The following CDH4 variants were observed in gnomAD, a reference collection of about 807,000 sequenced individuals.
The protein encoded by CDH4 is cadherin 4, also known as cadherin-4.
A neutral mutation model predicts 86.0 loss-of-function variants in CDH4; 33 were observed. The observed-to-expected ratio is 0.38, with a 90% CI of 0.29 to 0.51. The LOEUF is 0.51. Among genes scored for constraint, CDH4 ranks in the 20% least tolerant of loss-of-function variants. CDH4 has a pLI of 0.86. For missense variants in CDH4, 1,114 were observed against 1,307.4 expected, an observed-to-expected ratio of 0.85 and a Z score of 2.28; for synonymous variants, 555 against 549.4, an observed-to-expected ratio of 1.01 and a Z score of -0.14.
chr20:61,571,437 A>G lies in CDH4; in HGVS notation c.170-172126A>G, dbSNP rs546962863. Reference sequence around the variant, plus strand: ...CCTGGGCTGTAGGTTTCCAGGCGCCATGGCAGGGAGTGACTGCAGGACCCA... The same window carrying G: ...CCTGGGCTGTAGGTTTCCAGGCGCCGTGGCAGGGAGTGACTGCAGGACCCA... On this transcript the variant is annotated intron_variant, in intron 2 of 15. Transcript: ENST00000614565. Among the ~76,000 whole-genome samples, 5 of 152,246 alleles carry G rather than the reference A, an allele frequency of 3.3e-5. No individual in the cohort carries two copies. The East Asian group carries it at 5.8e-4, about 18-fold the overall frequency.
At chr20:61,839,145 A>G (rs1297650520) in intron 4 of CDH4, among the ~76,000 whole-genome samples, 1 of 152,232 alleles carries the variant, frequency 6.6e-6, no homozygotes, top group East Asian at 1.9e-4. Flanking sequence ...TTCTGGAAGA[A>G]CTTGATCCAG....
At chr20:61,299,162 A>T (rs541926398) in intron 2 of CDH4, among the ~76,000 whole-genome samples, 135 of 152,320 alleles carry the variant, frequency 8.9e-4, no homozygotes, top group African/African-American at 3.1e-3. Context: ...CCGTGCTCTT[A>T]TAAGAAAAGA....
chr20:61,286,824 T>C (rs983914039), intron 2 of CDH4, among the ~76,000 whole-genome samples: 3 of 152,130 alleles, frequency 2.0e-5, no homozygotes, highest in East Asian at 1.9e-4. Flanking sequence ...TCTGGGACTT[T>C]GTTTGTTTGT....
At chr20:61,855,878 G>C (rs1178498981) in intron 6 of CDH4, among the ~76,000 whole-genome samples, 1 of 152,180 alleles carries the variant, frequency 6.6e-6, no homozygotes, top group Non-Finnish European at 1.5e-5. Context: ...AAACGTCCAT[G>C]GACTCTCAGA....
chr20:61,369,268 T>G (rs992931414), intron 2 of CDH4, among the ~76,000 whole-genome samples: 6 of 151,582 alleles, frequency 4.0e-5, no homozygotes, highest in African/African-American at 1.5e-4. Context: ...CTGGCCAACA[T>G]AGTGAAACCC....
intron 2 of CDH4, among the ~76,000 whole-genome samples, chr20:61,665,086 C>T (rs1600853998): frequency 6.6e-6 from 1 of 152,222 alleles, no homozygotes; most frequent in Non-Finnish European, 1.5e-5. Context: ...GGTGGCTCCT[C>T]CCTGAGTCAG....
intron 6 of CDH4, among the ~76,000 whole-genome samples, chr20:61,866,035 G>A (rs556420143): frequency 3.3e-5 from 5 of 152,308 alleles, no homozygotes; most frequent in South Asian, 4.1e-4. Flanking sequence ...GTCACCACCA[G>A]CATCCTGGCA....
intron 3 of CDH4, among the ~76,000 whole-genome samples, chr20:61,764,768 C>T (rs904848909): frequency 3.3e-5 from 5 of 152,206 alleles, no homozygotes; most frequent in African/African-American, 1.2e-4. Flanking sequence ...CACTCCTATC[C>T]CCACTGCTGC....
intron 2 of CDH4, among the ~76,000 whole-genome samples, chr20:61,499,058 C>T (rs1323290282): frequency 6.6e-6 from 1 of 152,092 alleles, no homozygotes; most frequent in Non-Finnish European, 1.5e-5. Context: ...GGCTGCATGG[C>T]GGGGGCAGGT....
chr20:61,833,143 A>G (rs1981706948), intron 4 of CDH4, among the ~76,000 whole-genome samples: 1 of 152,018 alleles, frequency 6.6e-6, no homozygotes, highest in African/African-American at 2.4e-5. Context: ...TGATCCAGCC[A>G]TGCCTGAAAC....
At chr20:61,820,344 T>TGCAGATACCACTGAG (rs1318424928) in intron 4 of CDH4, among the ~76,000 whole-genome samples, 7 of 152,240 alleles carry the variant, frequency 4.6e-5, no homozygotes, top group African/African-American at 1.7e-4. Context: ...ATGCAGCCAC[T>TGCAGATACCACTGAG]GCAGATACCA....
intron 2 of CDH4, chr20:61,600,050 A>G (rs573565090): frequency 1.4e-6 from 1 of 717,318 alleles, no homozygotes. Context: ...GAGCCTCTCT[A>G]TTTGAACAGA....
intron 2 of CDH4, among the ~76,000 whole-genome samples, chr20:61,731,895 G>A (rs1046827070): frequency 6.6e-6 from 1 of 152,154 alleles, no homozygotes; most frequent in Non-Finnish European, 1.5e-5. Flanking sequence ...TGTCCCCTGG[G>A]ATGAGCAACA....
intron 2 of CDH4, among the ~76,000 whole-genome samples, chr20:61,498,093 A>T (rs1268000111): frequency 6.6e-6 from 1 of 150,938 alleles, no homozygotes; most frequent in Non-Finnish European, 1.5e-5. Flanking sequence ...GCATTAGGAG[A>T]TATACCTAAT....
chr20:61,419,389 A>G (rs1751087542), intron 2 of CDH4, among the ~76,000 whole-genome samples: 2 of 152,178 alleles, frequency 1.3e-5, no homozygotes, highest in Admixed American at 6.5e-5. Context: ...CAGCTTAGGC[A>G]AGTTCGTGGT....
Position 61,517,902 on chromosome 20 carries a change from G to C in CDH4, c.170-225661G>C, listed in dbSNP as rs2145622283. ...CTCACAAAACCCATATACCCCTCAG[G>C]GTCCCTCCCCCAAATGCACAGACAC... On this transcript the variant is annotated intron_variant, in intron 2 of 15. Transcript: ENST00000614565. This position sits in a 1 kb window ranked among gnomAD's most constrained non-coding sequence, Gnocchi z 6.6. Among the ~76,000 whole-genome samples the C allele has an allele frequency of 6.6e-6, 1 of 152,158 alleles. No individual in the cohort carries two copies. The highest frequency in any genetic ancestry group is 1.9e-4 in the East Asian group (1 of 5,160).
At chr20:61,408,496 C>A (rs2085096926) in intron 2 of CDH4, among the ~76,000 whole-genome samples, 2 of 152,156 alleles carry the variant, frequency 1.3e-5, no homozygotes, top group Non-Finnish European at 2.9e-5. Flanking sequence ...GTTTGTTACA[C>A]TTGGGCACAA....
intron 2 of CDH4, among the ~76,000 whole-genome samples, chr20:61,461,830 TGA>T (rs1216595892): frequency 7.9e-5 from 12 of 152,296 alleles, no homozygotes; most frequent in Admixed American, 1.3e-4. Context: ...TAGCAAGTGA[TGA>T]GAGAGAGACA....
Position 61,810,646 on chromosome 20 carries a change from C to T in CDH4, c.577-34022C>T, listed in dbSNP as rs1047166032. ...CTACCAACACCTCCCAGCCCCCTAACAAGCCAGGAACCACTCCAGGGCTAT... is the reference window on the plus strand; with the variant it reads ...CTACCAACACCTCCCAGCCCCCTAATAAGCCAGGAACCACTCCAGGGCTAT... On this transcript the variant is annotated intron_variant, in intron 4 of 15. Transcript: ENST00000614565. The surrounding 1 kb of genome is among the most constrained non-coding windows in gnomAD (Gnocchi z 4.3). Among the ~76,000 whole-genome samples, 1 of 152,212 alleles carries T rather than the reference C, an allele frequency of 6.6e-6. No individual in the cohort carries two copies. Among genetic ancestry groups the T allele is most frequent in the African/African-American group, 2.4e-5 (1 of 41,454 alleles).
Sources: gnomAD v4.1 joint callset for allele counts (sites outside exome capture counted in the v4.1 genomes callset) on GRCh38, gnomAD v4.1.1 for gene constraint, Gnocchi (gnomAD v3.1) non-coding constraint, MANE v1.5 for transcripts, NCBI Gene and HGNC (gene_info 2026-07-23, HGNC 2026-07-21) for gene names.